The following CBLB variants were observed in gnomAD, a reference collection of about 807,000 sequenced individuals.
The protein encoded by CBLB is E3 ubiquitin-protein ligase CBL-B.
Under a neutral mutation model 104.9 loss-of-function variants are expected in CBLB, and 31 were observed. That is an observed-to-expected ratio of 0.30 (90% CI 0.22 to 0.40). The LOEUF (loss-of-function observed/expected upper bound fraction) is 0.40, where lower values mean the gene tolerates loss of function less well. Among genes scored for constraint, CBLB ranks in the 10% least tolerant of loss-of-function variants. CBLB has a pLI of 1.00. For synonymous variants in CBLB, 440 were observed against 422.6 expected (o/e 1.04, Z -0.51); for missense variants, 1,062 against 1,214.6 (o/e 0.87, Z 1.87).
Position 105,681,470 on chromosome 3 carries a change from G to C in CBLB, c.2428+9C>G, listed in dbSNP as rs182224309. On this transcript the variant is annotated intron_variant, in intron 16 of 18. Transcript: ENST00000394030. ...GTGGGTTGTTCAAAACTTTTTTAAAGGTTTCAACCTAATGGAGGGATGAGA... is the reference window on the plus strand; with the variant it reads ...GTGGGTTGTTCAAAACTTTTTTAAACGTTTCAACCTAATGGAGGGATGAGA... 6.2e-7 allele frequency: 1 copy of C among 1,613,932 alleles called. No individual in the cohort carries two copies. Among genetic ancestry groups the C allele is most frequent in the African/African-American group, 1.3e-5 (1 of 75,016 alleles).
chr3:105,765,382 C>T (rs965977838), intron 4 of CBLB, among the ~76,000 whole-genome samples: 2 of 152,098 alleles, frequency 1.3e-5, no homozygotes, highest in Admixed American at 6.6e-5. Flanking sequence ...ACTCTTTCTA[C>T]CATGTGAGGA....
At chr3:105,811,629 TAA>T (rs1398354407) in intron 3 of CBLB, among the ~76,000 whole-genome samples, 4 of 152,138 alleles carry the variant, frequency 2.6e-5, no homozygotes, top group African/African-American at 9.7e-5. Flanking sequence ...TAAAAAGCTT[TAA>T]AAGAGAGACA....
chr3:105,827,740 C>T (rs1038304952), intron 3 of CBLB, among the ~76,000 whole-genome samples: 1 of 152,164 alleles, frequency 6.6e-6, no homozygotes, highest in African/African-American at 2.4e-5. Flanking sequence ...ATGGGTCATA[C>T]ATCTAACAGT....
Position 105,711,492 on chromosome 3 carries a change from A to G in CBLB, c.1408-7319T>C, listed in dbSNP as rs918724019. On this transcript the variant is annotated intron_variant, in intron 10 of 18. Coordinates refer to ENST00000394030, the MANE Select transcript of CBLB (RefSeq NM_170662.5). ...TTATTCAGAGAGGGTATATGCTACA[A>G]AAATGCTTACACACATACTCACATA... Among the ~76,000 whole-genome samples, 3 of 152,130 alleles carry G rather than the reference A, an allele frequency of 2.0e-5. No homozygotes were observed. In the South Asian group the frequency reaches 6.2e-4, roughly 32 times the overall value.
chr3:105,829,767 T>C (rs1382932146), intron 3 of CBLB, among the ~76,000 whole-genome samples: 1 of 151,420 alleles, frequency 6.6e-6, no homozygotes, highest in Non-Finnish European at 1.5e-5. Flanking sequence ...TTTCTATTTT[T>C]CTTCTACATT....
intron 4 of CBLB, 52 bp downstream of exon 4, chr3:105,776,344 A>C: frequency 6.6e-7 from 1 of 1,509,132 alleles, no homozygotes. Flanking sequence ...GAGGGAGGAT[A>C]CAGTAACCCT....
intron 3 of CBLB, among the ~76,000 whole-genome samples, chr3:105,851,392 A>G (rs1577861661): frequency 6.6e-6 from 1 of 152,318 alleles, no homozygotes; most frequent in East Asian, 1.9e-4. Flanking sequence ...GAAGTGAGAC[A>G]GTAAGTAGAT....
intron 3 of CBLB, chr3:105,839,594 A>G (rs931001246): frequency 6.6e-6 from 1 of 152,270 alleles, no homozygotes; most frequent in Non-Finnish European, 1.5e-5. Context: ...AAACATTTGC[A>G]GTAAAGGCCC....
At chr3:105,770,284 T>C (rs1267643577) in intron 4 of CBLB, among the ~76,000 whole-genome samples, 2 of 152,106 alleles carry the variant, frequency 1.3e-5, no homozygotes. Flanking sequence ...GAAAAACTCC[T>C]AAGTCCTCAG....
At chr3:105,744,239 T>G (rs1560054565) in intron 6 of CBLB, among the ~76,000 whole-genome samples, 1 of 150,984 alleles carries the variant, frequency 6.6e-6, no homozygotes, top group Non-Finnish European at 1.5e-5. Context: ...ACAAGAAAAT[T>G]TATCAAATAA....
chr3:105,824,934 T>G (rs1560414512), intron 3 of CBLB, among the ~76,000 whole-genome samples: 1 of 152,132 alleles, frequency 6.6e-6, no homozygotes, highest in South Asian at 2.1e-4. Flanking sequence ...ATATACACAA[T>G]CCTAGAGTGT....
intron 9 of CBLB, among the ~76,000 whole-genome samples, chr3:105,730,619 A>C (rs527580786): frequency 4.6e-5 from 7 of 152,138 alleles, no homozygotes; most frequent in Non-Finnish European, 8.8e-5. Context: ...GAACATAATG[A>C]GGTAAGAGCT....
chr3:105,755,178 C>A (rs952391739), intron 4 of CBLB, among the ~76,000 whole-genome samples: 2 of 152,246 alleles, frequency 1.3e-5, no homozygotes, highest in East Asian at 3.9e-4. Flanking sequence ...TCTCTCCCCC[C>A]TCCCCTGACC....
intron 3 of CBLB, among the ~76,000 whole-genome samples, chr3:105,784,568 T>C (rs2080728708): frequency 6.6e-6 from 1 of 152,226 alleles, no homozygotes; most frequent in Non-Finnish European, 1.5e-5. Flanking sequence ...CCCAGTAGTC[T>C]ATCATAAAAC....
At chr3:105,844,969 T>A (rs1351132726) in intron 3 of CBLB, among the ~76,000 whole-genome samples, 1 of 152,170 alleles carries the variant, frequency 6.6e-6, no homozygotes, top group Non-Finnish European at 1.5e-5. Flanking sequence ...TCATCAACTT[T>A]CTTTGTGGGA....
At chr3:105,764,342 A>C (rs1159415508) in intron 4 of CBLB, among the ~76,000 whole-genome samples, 1 of 152,208 alleles carries the variant, frequency 6.6e-6, no homozygotes, top group Non-Finnish European at 1.5e-5. Context: ...AGATTATCTA[A>C]GAAAAACAGC....
At chr3:105,679,301 C>T (rs1235965719) in intron 16 of CBLB, among the ~76,000 whole-genome samples, 1 of 127,074 alleles carries the variant, frequency 7.9e-6, no homozygotes, top group Non-Finnish European at 1.6e-5. Flanking sequence ...TCACACCTTA[C>T]TATTCTACTC....
intron 11 of CBLB, 33 bp from the exon 12 acceptor site, chr3:105,702,492 A>AC (rs2069352477): frequency 4.7e-6 from 7 of 1,477,550 alleles, no homozygotes; most frequent in East Asian, 5.1e-5. Flanking sequence ...AAAAAAAAAA[A>AC]AAAAAAACTA....
At chr3:105,762,791 G>C (rs543195773) in intron 4 of CBLB, among the ~76,000 whole-genome samples, 1 of 152,158 alleles carries the variant, frequency 6.6e-6, no homozygotes, top group Admixed American at 6.5e-5. Context: ...GTCTCCACTG[G>C]GGCACTGACT....
Sources: allele counts gnomAD v4.1 joint callset (sites outside exome capture counted in the v4.1 genomes callset), GRCh38; gene constraint gnomAD v4.1.1; transcripts MANE v1.5; gene names NCBI Gene and HGNC (gene_info 2026-07-23, HGNC 2026-07-21).